Variants in LIPC observed in about 807,000 individuals in gnomAD.
LIPC encodes hepatic triacylglycerol lipase.
In LIPC, 44 loss-of-function variants were observed where a neutral mutation model predicts 50.7. The ratio of observed to expected loss-of-function variants is 0.87; its 90% CI spans 0.68 to 1.11. The LOEUF is 1.11. LIPC is among the 50% of genes most tolerant of loss of function. The probability of loss-of-function intolerance (pLI) is 0.00; values close to 1 mark genes in which losing one functional copy is unlikely to be tolerated. For missense variants in LIPC, 697 were observed against 648.2 expected (o/e 1.08, Z -0.82); for synonymous variants, 271 against 256.4 (o/e 1.06, Z -0.54).
chr15:58,568,855 T>G lies in LIPC; in HGVS notation c.*28T>G. The stretch of plus-strand genomic sequence containing the variant: ...TTTAATGAAGACCCAGTGTAAAGAA[T>G]AAATGAATCTTACTCCTTATCTGGA... On this transcript the variant is annotated 3_prime_UTR_variant, in exon 9 of 9. Coordinates refer to ENST00000299022, the MANE Select transcript of LIPC (RefSeq NM_000236.3). 7.5e-7 allele frequency: 1 copy of G among 1,326,720 alleles called. No individual in the cohort carries two copies. Among genetic ancestry groups the G allele is most frequent in the Non-Finnish European group, 1.1e-6 (1 of 933,202 alleles). 82.2% of individuals were successfully genotyped at this position (1,326,720 alleles called of 1,614,324 possible).
At chr15:58,505,898 C>G (rs1296423922) in intron 1 of LIPC, among the ~76,000 whole-genome samples, 1 of 65,994 alleles carries the variant, frequency 1.5e-5, no homozygotes, top group Non-Finnish European at 3.6e-5. Context: ...CCTAGGGAGC[C>G]AGTACCATAC....
chr15:58,542,119 G>T (rs1287755086), intron 3 of LIPC, 152 bp downstream of exon 3: 25 of 951,522 alleles, frequency 2.6e-5, no homozygotes, highest in Non-Finnish European at 3.7e-5. Context: ...ACTGACACCA[G>T]ACCCCAGGGC....
At chr15:58,473,829 T>G (rs1031753213) in intron 1 of LIPC, 1 of 152,350 alleles carries the variant, frequency 6.6e-6, no homozygotes, top group African/African-American at 2.4e-5. Context: ...CATTGCAATG[T>G]ACCAAGCTGC....
At chr15:58,451,773 C>G (rs376806036) in intron 1 of LIPC, among the ~76,000 whole-genome samples, 2 of 152,176 alleles carry the variant, frequency 1.3e-5, no homozygotes, top group South Asian at 4.1e-4. Context: ...GAGGCAAGGG[C>G]GGCTCCTGCT....
intron 1 of LIPC, among the ~76,000 whole-genome samples, chr15:58,444,208 G>C (rs1270794972): frequency 1.3e-5 from 2 of 152,176 alleles, no homozygotes; most frequent in Non-Finnish European, 2.9e-5. Flanking sequence ...GCCGCATAGA[G>C]GGACTCCCCT....
Position 58,560,992 on chromosome 15 carries a change from G to A in LIPC, c.1169+11G>A, listed in dbSNP as rs762534927. On this transcript the variant is annotated intron_variant, in intron 7 of 8. Coordinates refer to ENST00000299022, the MANE Select transcript of LIPC (RefSeq NM_000236.3). The stretch of plus-strand genomic sequence containing the variant: ...AATTCCCATCACTCTGTGAGTAGGA[G>A]GTGTAGCCCCCTAGGGTGATGACAC... The A allele has an allele frequency of 5.1e-6, 6 of 1,172,818 alleles. No individual in the cohort carries two copies. Among genetic ancestry groups the A allele is most frequent in the Non-Finnish European group, 7.6e-6 (6 of 794,576 alleles). The allele number at this position is 1,172,818 out of a possible 1,614,324, so 72.7% of individuals were successfully genotyped here.
Position 58,451,163 on chromosome 15 carries a change from G to C in LIPC, c.88+19043G>C, listed in dbSNP as rs1049073303. Among the ~76,000 whole-genome samples the C allele has an allele frequency of 3.9e-5, 6 of 152,166 alleles. No individual in the cohort carries two copies. The East Asian group carries it at 1.2e-3, about 29-fold the overall frequency. On this transcript the variant is annotated intron_variant, in intron 1 of 8. Transcript: ENST00000299022. ...CCCAGAGCAATCAAAGGCCCTGACCGGCACAGGATTGGGAGGCTGTTGCTG... is the reference window on the plus strand; with the variant it reads ...CCCAGAGCAATCAAAGGCCCTGACCCGCACAGGATTGGGAGGCTGTTGCTG...
intron 4 of LIPC, 132 bp from the exon 5 acceptor site, chr15:58,545,610 G>A: frequency 2.7e-6 from 2 of 751,448 alleles, no homozygotes; most frequent in East Asian, 5.4e-5. Context: ...GGTTTTCTAG[G>A]GAAGGATCAG....
chr15:58,554,938 G>A (rs1342011000), intron 6 of LIPC, among the ~76,000 whole-genome samples: 1 of 152,182 alleles, frequency 6.6e-6, no homozygotes, highest in South Asian at 2.1e-4. Context: ...AGCCATCAGC[G>A]CAGGTTCCGT....
At chr15:58,497,090 T>C (rs1479674869) in intron 1 of LIPC, among the ~76,000 whole-genome samples, 4 of 152,216 alleles carry the variant, frequency 2.6e-5, no homozygotes, top group Non-Finnish European at 5.9e-5. Context: ...ATTGGGAAGA[T>C]GGCAGTAGTT....
At chr15:58,441,329 T>C (rs1273746912) in intron 1 of LIPC, among the ~76,000 whole-genome samples, 2 of 152,334 alleles carry the variant, frequency 1.3e-5, no homozygotes, top group South Asian at 4.1e-4. Context: ...AATATGAATC[T>C]TCCATCTTAA....
At position 58,462,033 on chromosome 15, in the gene LIPC, G is replaced by C. The variant is rs989972328; in HGVS notation, c.88+29913G>C. Among the ~76,000 whole-genome samples the C allele has an allele frequency of 3.3e-5, 5 of 152,048 alleles. No homozygotes were observed. In the South Asian group the frequency reaches 8.3e-4, roughly 25 times the overall value. The stretch of plus-strand genomic sequence containing the variant: ...CCCACCCATCACACAGCCTGCACTG[G>C]ATCATCCAAGTTACATGCCAAATGT... On this transcript the variant is annotated intron_variant, in intron 1 of 8. Coordinates refer to ENST00000299022, the MANE Select transcript of LIPC (RefSeq NM_000236.3).
chr15:58,475,233 A>G (rs1250780169), intron 1 of LIPC, among the ~76,000 whole-genome samples: 1 of 152,120 alleles, frequency 6.6e-6, no homozygotes, highest in Non-Finnish European at 1.5e-5. Context: ...TCCCACAACA[A>G]CAGGCTTGAA....
At chr15:58,503,932 C>G (rs940671015) in intron 1 of LIPC, among the ~76,000 whole-genome samples, 2 of 152,210 alleles carry the variant, frequency 1.3e-5, no homozygotes, top group African/African-American at 4.8e-5. Context: ...AACACACACA[C>G]TGCACCAGTC....
chr15:58,437,724 A>G (rs1893354190), intron 1 of LIPC, among the ~76,000 whole-genome samples: 1 of 152,288 alleles, frequency 6.6e-6, no homozygotes, highest in Admixed American at 6.5e-5. Context: ...CCACAGTTAC[A>G]TGGAATGTCA....
At chr15:58,544,000 T>C (rs1436657659) in intron 4 of LIPC, among the ~76,000 whole-genome samples, 1 of 152,222 alleles carries the variant, frequency 6.6e-6, no homozygotes, top group African/African-American at 2.4e-5. Context: ...TGAGAAAGAA[T>C]GGGGATAATG....
intron 1 of LIPC, among the ~76,000 whole-genome samples, chr15:58,434,264 G>C (rs17190510): frequency 0.11 from 15,975 of 152,128 alleles, 1,107 homozygotes; most frequent in South Asian, 0.15. Flanking sequence ...GTCACTCATC[G>C]AGCACCAGGA....
chr15:58,564,984 T>C (rs7163112), intron 8 of LIPC, among the ~76,000 whole-genome samples: 2 of 152,112 alleles, frequency 1.3e-5, no homozygotes, highest in Admixed American at 1.3e-4. Flanking sequence ...CTTGTCCTCA[T>C]AGAGGTGGAA....
intron 1 of LIPC, among the ~76,000 whole-genome samples, chr15:58,524,039 C>A (rs1168577545): frequency 6.6e-6 from 1 of 152,028 alleles, no homozygotes; most frequent in Non-Finnish European, 1.5e-5. Context: ...AATCTCACCC[C>A]CATCCCACGA....
Sources: allele counts gnomAD v4.1 joint callset (sites outside exome capture counted in the v4.1 genomes callset), GRCh38; gene constraint gnomAD v4.1.1; transcripts MANE v1.5; gene names NCBI Gene and HGNC (gene_info 2026-07-23, HGNC 2026-07-21).